The following SORBS2 variants were observed in gnomAD, a reference collection of about 807,000 sequenced individuals.
SORBS2 encodes the protein sorbin and SH3 domain-containing protein 2.
SORBS2 carries 46 observed loss-of-function variants against 97.7 expected under a neutral mutation model. The observed-to-expected ratio is 0.47, with a 90% CI of 0.37 to 0.60. The LOEUF is 0.60. SORBS2 is among the 20% of genes least tolerant of loss of function. The pLI is 0.00. For synonymous variants in SORBS2, 476 were observed against 473.4 expected (o/e 1.01, Z -0.07); for missense variants, 1,316 against 1,282.3 (o/e 1.03, Z -0.40).
chr4:185,599,294 T>C (rs1347621336), intron 12 of SORBS2, among the ~76,000 whole-genome samples: 3 of 152,316 alleles, frequency 2.0e-5, no homozygotes, highest in African/African-American at 7.2e-5. Flanking sequence ...TATGTCCAGA[T>C]GAAAATTTCC....
chr4:185,911,245 C>T (rs73021815), intron 1 of SORBS2, among the ~76,000 whole-genome samples: 5 of 151,894 alleles, frequency 3.3e-5, no homozygotes, highest in Admixed American at 6.6e-5. Flanking sequence ...CTTTTCTTTT[C>T]GAGACAGAGT....
chr4:185,800,835 T>C (rs1244018730), intron 1 of SORBS2, among the ~76,000 whole-genome samples: 1 of 152,226 alleles, frequency 6.6e-6, no homozygotes, highest in Non-Finnish European at 1.5e-5. Context: ...GCTGCTTTGA[T>C]ACAGGCATGC....
chr4:185,761,183 T>C (rs1245063236), intron 2 of SORBS2, among the ~76,000 whole-genome samples: 1 of 152,222 alleles, frequency 6.6e-6, no homozygotes, highest in African/African-American at 2.4e-5. Flanking sequence ...CTTGAATTCA[T>C]AGCTGCCATC....
intron 1 of SORBS2, among the ~76,000 whole-genome samples, chr4:185,895,971 G>T (rs2099244805): frequency 6.6e-6 from 1 of 152,186 alleles, no homozygotes; most frequent in Non-Finnish European, 1.5e-5. Flanking sequence ...CAGGAAAAGG[G>T]AGTGTATGAG....
chr4:185,874,860 T>TG (rs2099232484), intron 1 of SORBS2, among the ~76,000 whole-genome samples: 1 of 144,638 alleles, frequency 6.9e-6, no homozygotes, highest in Non-Finnish European at 1.5e-5. Flanking sequence ...TTACCCTGAT[T>TG]TTTTTTTTTT....
chr4:185,913,179 A>C (rs1028299552), intron 1 of SORBS2, among the ~76,000 whole-genome samples: 7 of 152,242 alleles, frequency 4.6e-5, no homozygotes, highest in Non-Finnish European at 1.0e-4. Context: ...AAGCAACCAA[A>C]TATAATAATG....
intron 4 of SORBS2, among the ~76,000 whole-genome samples, chr4:185,670,790 C>T (rs1190031186): frequency 1.3e-5 from 2 of 152,110 alleles, no homozygotes; most frequent in African/African-American, 4.8e-5. Flanking sequence ...GGAGACCTGC[C>T]TGGCAGCTGT....
At chr4:185,702,310 G>A (rs557848691) in intron 2 of SORBS2, among the ~76,000 whole-genome samples, 8 of 152,236 alleles carry the variant, frequency 5.3e-5, no homozygotes, top group African/African-American at 7.2e-5. Flanking sequence ...GGGAGCCGGC[G>A]TGCAGAGATC....
At chr4:185,769,260 T>A (rs2153620932) in intron 2 of SORBS2, among the ~76,000 whole-genome samples, 1 of 152,340 alleles carries the variant, frequency 6.6e-6, no homozygotes, top group South Asian at 2.1e-4. Context: ...ATATGTAGTG[T>A]ATCCAAATAG....
At chr4:185,770,569 T>A (rs138533675) in intron 2 of SORBS2, among the ~76,000 whole-genome samples, 11 of 152,342 alleles carry the variant, frequency 7.2e-5, no homozygotes, top group Admixed American at 2.0e-4. Flanking sequence ...GGTTGGAGAA[T>A]GCAGACTTCT....
At chr4:185,846,694 G>T (rs1314878375) in intron 1 of SORBS2, among the ~76,000 whole-genome samples, 1 of 152,198 alleles carries the variant, frequency 6.6e-6, no homozygotes, top group African/African-American at 2.4e-5. Flanking sequence ...ATTCAATGAG[G>T]TAGAAAGCAA....
At chr4:185,612,300 G>C (rs182759205) in intron 11 of SORBS2, among the ~76,000 whole-genome samples, 5 of 152,256 alleles carry the variant, frequency 3.3e-5, no homozygotes, top group Non-Finnish European at 4.4e-5. Flanking sequence ...AAGCAGAATA[G>C]TGTAAAAGGT....
Position 185,606,294 on chromosome 4 carries a change from T to C in SORBS2, c.2796+5486A>G, listed in dbSNP as rs2096416852. The C allele has an allele frequency of 3.1e-6, 3 of 979,876 alleles. No homozygotes were observed. The highest frequency in any genetic ancestry group is 3.6e-6 in the Non-Finnish European group (3 of 824,928). The allele number at this position is 979,876 out of a possible 1,614,324, so 60.7% of individuals were successfully genotyped here. A position where few individuals can be genotyped will look rare whatever the true frequency, so the allele number is the denominator to read the frequency against. On this transcript the variant is annotated intron_variant, in intron 12 of 14. Transcript: ENST00000418609. The surrounding 1 kb of genome is among the most constrained non-coding windows in gnomAD (Gnocchi z 4.3). The stretch of plus-strand genomic sequence containing the variant: ...GTAAGAGCTCCACTATTAGCTATCA[T>C]TGTTAATATTGGAAGATTACAAAGA...
At chr4:185,658,958 G>A (rs548291154), upstream of SORBS2, among the ~76,000 whole-genome samples, 29 of 151,992 alleles carry the variant, frequency 1.9e-4, no homozygotes, top group South Asian at 1.2e-3. Flanking sequence ...CGCCCGCCTC[G>A]GCCTCCCAAA....
intron 9 of SORBS2, among the ~76,000 whole-genome samples, chr4:185,616,481 G>A (rs1156934997): frequency 3.9e-5 from 6 of 152,160 alleles, no homozygotes; most frequent in African/African-American, 1.4e-4. Flanking sequence ...GATATTTAAT[G>A]TTCACAACAC....
At chr4:185,624,484 A>G (rs1358616118) in exon 7 of SORBS2, 2 of 1,603,254 alleles carry the variant, frequency 1.2e-6, no homozygotes, top group East Asian at 2.2e-5. Context: ...ATATTTTGCT[A>G]TCATCCCCAC....
intron 4 of SORBS2, among the ~76,000 whole-genome samples, chr4:185,640,053 C>G (rs1435425668): frequency 6.6e-6 from 1 of 152,156 alleles, no homozygotes; most frequent in African/African-American, 2.4e-5. Context: ...ATTATACTCA[C>G]AGTGTTTTTA....
At chr4:185,779,276 C>CCT (rs1225663278) in intron 1 of SORBS2, among the ~76,000 whole-genome samples, 1 of 152,166 alleles carries the variant, frequency 6.6e-6, no homozygotes, top group Non-Finnish European at 1.5e-5. Context: ...ACTTACTTAG[C>CCT]CTCCCCATAC....
intron 1 of SORBS2, among the ~76,000 whole-genome samples, chr4:185,906,801 C>G (rs1024578005): frequency 3.3e-5 from 5 of 152,080 alleles, no homozygotes; most frequent in Non-Finnish European, 7.4e-5. Flanking sequence ...CCCCAAGTCC[C>G]CATTTGGGAG....
Sources: gnomAD v4.1 joint callset for allele counts (sites outside exome capture counted in the v4.1 genomes callset) on GRCh38, gnomAD v4.1.1 for gene constraint, Gnocchi (gnomAD v3.1) non-coding constraint, MANE v1.5 for transcripts, NCBI Gene and HGNC (gene_info 2026-07-23, HGNC 2026-07-21) for gene names.